Variants in FAT3 observed in about 807,000 individuals in gnomAD.
FAT3 encodes FAT atypical cadherin 3.
In FAT3, 95 loss-of-function variants were observed where a neutral mutation model predicts 310.2. That is an observed-to-expected ratio of 0.31 (90% CI 0.26 to 0.36). FAT3 has a LOEUF of 0.36. Among genes scored for constraint, FAT3 ranks in the 10% least tolerant of loss-of-function variants. The pLI is 1.00. For synonymous variants in FAT3, 2,314 were observed against 2,192.9 expected (o/e 1.06, Z -1.54); for missense variants, 5,408 against 5,715.6 (o/e 0.95, Z 1.74).
chr11:92,466,672 G>A (rs1464378588), intron 2 of FAT3, among the ~76,000 whole-genome samples: 2 of 150,460 alleles, frequency 1.3e-5, no homozygotes, highest in African/African-American at 2.4e-5. Flanking sequence ...ATGCTGGTGT[G>A]CTGCACCCAT....
chr11:92,312,722 T>C (rs1373955165), intron 1 of FAT3, among the ~76,000 whole-genome samples: 2 of 152,162 alleles, frequency 1.3e-5, no homozygotes, highest in African/African-American at 4.8e-5. Flanking sequence ...GATAATAATA[T>C]GGGTTTCCCA....
At chr11:92,710,242 C>T (rs1207423608) in intron 4 of FAT3, among the ~76,000 whole-genome samples, 2 of 152,168 alleles carry the variant, frequency 1.3e-5, no homozygotes, top group African/African-American at 4.8e-5. Flanking sequence ...CTGACTTTCC[C>T]CATATTGAGA....
At chr11:92,765,865 TGTAGGTTGG>T (rs2136097581) in intron 6 of FAT3, among the ~76,000 whole-genome samples, 1 of 152,248 alleles carries the variant, frequency 6.6e-6, no homozygotes, top group South Asian at 2.1e-4. Flanking sequence ...TTTATCTTTT[TGTAGGTTGG>T]TTTATTTAAC....
Position 92,681,418 on chromosome 11 carries a change from C to G in FAT3, c.3608-15966C>G, listed in dbSNP as rs570880846. The stretch of plus-strand genomic sequence containing the variant: ...AGAGGAGGACAGGAGAAGGGTGTTG[C>G]CAAGGGAAGGTCAAGGGCAAAGGCT... On this transcript the variant is annotated intron_variant, in intron 3 of 27. Transcript: ENST00000525166. Among the ~76,000 whole-genome samples, 3 of 152,204 alleles carry G rather than the reference C, an allele frequency of 2.0e-5. No homozygotes were observed. The South Asian group carries it at 6.2e-4, about 32-fold the overall frequency.
At chr11:92,307,226 C>G (rs916262070) in intron 1 of FAT3, among the ~76,000 whole-genome samples, 4 of 144,794 alleles carry the variant, frequency 2.8e-5, no homozygotes, top group African/African-American at 1.0e-4. Context: ...TTGCCTGAGG[C>G]AGTTCCATAC....
At chr11:92,619,072 C>T (rs1483659452) in intron 3 of FAT3, among the ~76,000 whole-genome samples, 2 of 152,078 alleles carry the variant, frequency 1.3e-5, no homozygotes, top group Non-Finnish European at 2.9e-5. Context: ...TTTCATCAAA[C>T]TTTTTCTGAG....
intron 22 of FAT3, among the ~76,000 whole-genome samples, chr11:92,880,477 T>C (rs1949648404): frequency 6.6e-6 from 1 of 151,746 alleles, no homozygotes. Context: ...CTTGGGTGGG[T>C]CTTACAGTTC....
chr11:92,831,359 TG>T (rs1418727516), intron 13 of FAT3, among the ~76,000 whole-genome samples: 6 of 152,170 alleles, frequency 3.9e-5, no homozygotes, highest in Admixed American at 2.6e-4. Context: ...TAAAGATTTG[TG>T]GGGGGCGAGT....
intron 15 of FAT3, 87 bp from the exon 16 acceptor site, chr11:92,836,479 C>A: frequency 6.8e-7 from 1 of 1,466,372 alleles, no homozygotes; most frequent in Non-Finnish European, 9.2e-7. Flanking sequence ...CACAGCTGCA[C>A]CCATTTAAAC....
At chr11:92,837,604 G>A (rs1591798017) in intron 16 of FAT3, 59 bp from the exon 17 acceptor site, 1 of 1,583,546 alleles carries the variant, frequency 6.3e-7, no homozygotes, top group East Asian at 2.2e-5. Context: ...TCCTCTGTGT[G>A]TGCACAGAAG....
At chr11:92,776,396 C>G (rs987832696) in intron 7 of FAT3, among the ~76,000 whole-genome samples, 1 of 152,148 alleles carries the variant, frequency 6.6e-6, no homozygotes, top group African/African-American at 2.4e-5. Flanking sequence ...TTATTAGAAC[C>G]AGATGAGAAA....
At position 92,799,378 on chromosome 11, in the gene FAT3, T is replaced by C. The variant is rs1247975521; in HGVS notation, c.6365T>C (p.Val2122Ala). Residue 2122 changes from valine (V) to alanine (A), a missense_variant, in exon 10 of 28, where the codon GTC (valine) becomes GCC (alanine). Coordinates refer to ENST00000525166, the MANE Select transcript of FAT3 (RefSeq NM_001367949.2). ...DKGPNGEVTY[V>A]LQDDYGHFEI... ...GGTCCAAATGGAGAAGTGACCTATGTCCTGCAGGATGACTATGGCCACTTT... is the reference window on the plus strand; with the variant it reads ...GGTCCAAATGGAGAAGTGACCTATGCCCTGCAGGATGACTATGGCCACTTT... The C allele has an allele frequency of 1.1e-5, 17 of 1,613,812 alleles. No individual in the cohort carries two copies. The highest frequency in any genetic ancestry group is 2.7e-5 in the African/African-American group (2 of 75,046).
chr11:92,361,909 G>A (rs1321550350), intron 2 of FAT3, among the ~76,000 whole-genome samples: 3 of 152,254 alleles, frequency 2.0e-5, no homozygotes, highest in African/African-American at 7.2e-5. Context: ...TCAGAATGCA[G>A]ATGCAAGAGA....
At chr11:92,246,678 A>G (rs1379138875) in intron 1 of FAT3, among the ~76,000 whole-genome samples, 1 of 152,110 alleles carries the variant, frequency 6.6e-6, no homozygotes, top group African/African-American at 2.4e-5. Flanking sequence ...TGGAGTAGAC[A>G]ATGTGGCAGC....
intron 1 of FAT3, among the ~76,000 whole-genome samples, chr11:92,325,437 T>C (rs919106012): frequency 6.6e-6 from 1 of 152,184 alleles, no homozygotes; most frequent in Admixed American, 6.5e-5. Flanking sequence ...TTGTTTTTTG[T>C]TTTTACCTTA....
At chr11:92,270,545 G>A (rs537220537) in intron 1 of FAT3, among the ~76,000 whole-genome samples, 3 of 151,964 alleles carry the variant, frequency 2.0e-5, no homozygotes, top group Middle Eastern at 6.8e-3. Flanking sequence ...AAATTGCTGG[G>A]CATGGTGGCA....
intron 2 of FAT3, among the ~76,000 whole-genome samples, chr11:92,368,832 A>T (rs937293767): frequency 7.2e-6 from 1 of 139,484 alleles, no homozygotes; most frequent in Non-Finnish European, 1.5e-5. Context: ...TTGTGTGTAT[A>T]CATATATATA....
chr11:92,312,759 T>C (rs1947343661), intron 1 of FAT3, among the ~76,000 whole-genome samples: 1 of 152,186 alleles, frequency 6.6e-6, no homozygotes, highest in Non-Finnish European at 1.5e-5. Context: ...CCTAGATCCA[T>C]ACATGTCGGA....
In FAT3 at chr11:92,241,454, T is replaced by C. The variant is rs1336646661; in HGVS notation, c.-18+16280T>C. On this transcript the variant is annotated intron_variant, in intron 1 of 27. Transcript: ENST00000525166. ...AAGTATTTTTATGATTGCAAAATAC[T>C]CTGTTTTTAGATAGATATTTTATTT... Among the ~76,000 whole-genome samples the C allele has an allele frequency of 7.9e-5, 12 of 152,150 alleles. No individual in the cohort carries two copies. The East Asian group carries it at 2.3e-3, about 29-fold the overall frequency.
Sources: gnomAD v4.1 joint callset for allele counts (sites outside exome capture counted in the v4.1 genomes callset) on GRCh38, gnomAD v4.1.1 for gene constraint, MANE v1.5 for transcripts, NCBI Gene and HGNC (gene_info 2026-07-23, HGNC 2026-07-21) for gene names.